The following KLHL32 variants were observed in gnomAD, a reference collection of about 807,000 sequenced individuals.
The protein encoded by KLHL32 is kelch-like protein 32.
A neutral mutation model predicts 64.8 loss-of-function variants in KLHL32; 35 were observed. The ratio of observed to expected loss-of-function variants is 0.54; its 90% CI spans 0.41 to 0.72. The LOEUF is 0.72. KLHL32 is among the 30% of genes least tolerant of loss of function. The pLI is 0.00. For missense variants in KLHL32, 589 were observed against 768.5 expected (o/e 0.77, Z 2.76); for synonymous variants, 259 against 281.0 (o/e 0.92, Z 0.78).
intron 3 of KLHL32, among the ~76,000 whole-genome samples, chr6:97,040,537 T>G (rs991678759): frequency 1.3e-5 from 2 of 152,022 alleles, no homozygotes; most frequent in African/African-American, 4.8e-5. Flanking sequence ...CTGCTTGGAG[T>G]ATCAGTTTCA....
rs1427953799 is a variant in KLHL32 at position 97,113,751 on chromosome 6, G to A, written c.628-32G>A. On this transcript the variant is annotated intron_variant, in intron 6 of 10. Transcript: ENST00000369261. ...CTTTCTCTTTCTTTCTTACCTTTGT[G>A]TCTCCTCTCATCTCACTTCCCTCTG... is the stretch of plus-strand genomic sequence containing the variant. 9 of 1,595,804 alleles carry A rather than the reference G, an allele frequency of 5.6e-6. No individual in the cohort carries two copies. In the East Asian group the frequency reaches 1.8e-4, roughly 32 times the overall value.
At chr6:96,909,149 A>G in the KLHL32 span, among the ~76,000 whole-genome samples, 3 of 152,098 alleles carry the variant, frequency 2.0e-5, no homozygotes, top group African/African-American at 7.2e-5. Flanking sequence ...TTATCAGACA[A>G]GAGGGATACC....
At chr6:97,064,851 G>C in intron 5 of KLHL32, 125 bp downstream of exon 5, 1 of 723,354 alleles carries the variant, frequency 1.4e-6, no homozygotes, top group Non-Finnish European at 2.3e-6. Flanking sequence ...TGTGGTAGTA[G>C]AGTTTCTCCA....
At chr6:96,957,946 A>G (rs1445469450) in intron 1 of KLHL32, among the ~76,000 whole-genome samples, 1 of 152,210 alleles carries the variant, frequency 6.6e-6, no homozygotes, top group Non-Finnish European at 1.5e-5. Flanking sequence ...CATTTTTAAA[A>G]CAGAATACAT....
chr6:97,102,318 G>A (rs983639214), intron 6 of KLHL32, among the ~76,000 whole-genome samples: 1 of 152,182 alleles, frequency 6.6e-6, no homozygotes, highest in Non-Finnish European at 1.5e-5. Flanking sequence ...CAGTAGCTAG[G>A]AAACAATGGG....
In KLHL32 at chr6:96,945,594, GA is replaced by G. The variant is rs560125408; in HGVS notation, c.-66+20576del. Among the ~76,000 whole-genome samples the G allele has an allele frequency of 7.1e-4, 108 of 152,192 alleles. 1 individual carries two copies. The highest frequency in any genetic ancestry group is 2.5e-3 in the African/African-American group (103 of 41,524). On this transcript the variant is annotated intron_variant, in intron 1 of 10. Transcript: ENST00000369261. ...GAGAGGGGTGCTTTAAAAAGGGTAG[GA>G]AAAAAAATTTTAAGCATTGTTTTAC... is the stretch of plus-strand genomic sequence containing the variant.
intron 1 of KLHL32, among the ~76,000 whole-genome samples, chr6:96,928,805 G>A (rs780833484): frequency 5.9e-5 from 9 of 152,036 alleles, no homozygotes; most frequent in East Asian, 3.8e-4. Flanking sequence ...AGATGTAATC[G>A]TTTTTTTCTA....
At chr6:96,983,318 C>T (rs1292723090) in intron 3 of KLHL32, among the ~76,000 whole-genome samples, 1 of 152,076 alleles carries the variant, frequency 6.6e-6, no homozygotes, top group Non-Finnish European at 1.5e-5. Flanking sequence ...TGATGTTCAT[C>T]AAGGATATTG....
intron 1 of KLHL32, among the ~76,000 whole-genome samples, chr6:96,965,873 AAG>A (rs1774398601): frequency 6.6e-6 from 1 of 152,232 alleles, no homozygotes; most frequent in Non-Finnish European, 1.5e-5. Context: ...TAATTAAAAA[AAG>A]AAAATAAGAA....
chr6:97,032,779 G>A (rs946130061), intron 3 of KLHL32, among the ~76,000 whole-genome samples: 3 of 152,086 alleles, frequency 2.0e-5, no homozygotes, highest in African/African-American at 7.2e-5. Flanking sequence ...TTTCTTTCAG[G>A]TTCTTTCAAG....
intron 5 of KLHL32, 84 bp from the exon 6 acceptor site, chr6:97,085,042 G>T: frequency 8.6e-7 from 1 of 1,157,790 alleles, no homozygotes. Context: ...GAAAACCTTA[G>T]TGAGTCAATC....
chr6:97,084,540 A>G (rs1793097011), intron 5 of KLHL32, among the ~76,000 whole-genome samples: 1 of 152,252 alleles, frequency 6.6e-6, no homozygotes, highest in Non-Finnish European at 1.5e-5. Flanking sequence ...GATTCAATAT[A>G]GAATTATTCA....
chr6:96,938,509 C>T (rs72924765), intron 1 of KLHL32, among the ~76,000 whole-genome samples: 10,264 of 152,218 alleles, frequency 0.067, 428 homozygotes, highest in Middle Eastern at 0.15. Flanking sequence ...CTTCTGACTG[C>T]TCTGGTCCTC....
chr6:96,909,270 A>T, the KLHL32 span, among the ~76,000 whole-genome samples: 1 of 152,202 alleles, frequency 6.6e-6, no homozygotes, highest in Non-Finnish European at 1.5e-5. Context: ...GAAAAAAGAT[A>T]GAAGATAGAA....
At chr6:97,070,640 C>T (rs1790564388) in intron 5 of KLHL32, among the ~76,000 whole-genome samples, 1 of 152,122 alleles carries the variant, frequency 6.6e-6, no homozygotes, top group Admixed American at 6.5e-5. Flanking sequence ...GAGAAAGATT[C>T]TCCTGAAAGA....
Position 97,099,199 on chromosome 6 carries a change from T to C in KLHL32, c.627+13858T>C, listed in dbSNP as rs560191487. ...TACACCTGCATGACATGACTGCCAC[T>C]GTCCTGCTCTCAAGCAGACTCTGTC... On this transcript the variant is annotated intron_variant, in intron 6 of 10. Transcript: ENST00000369261. Among the ~76,000 whole-genome samples, 8 of 152,346 alleles carry C rather than the reference T, an allele frequency of 5.3e-5. 1 individual carries two copies. Among genetic ancestry groups the C allele is most frequent in the Admixed American group, 2.0e-4 (3 of 15,306 alleles).
chr6:97,028,858 A>G (rs1783113187), intron 3 of KLHL32, among the ~76,000 whole-genome samples: 1 of 152,270 alleles, frequency 6.6e-6, no homozygotes, highest in South Asian at 2.1e-4. Flanking sequence ...AGATAAAACA[A>G]TGGACTTCTT....
chr6:96,965,777 T>C (rs1324254438), intron 1 of KLHL32, among the ~76,000 whole-genome samples: 1 of 152,194 alleles, frequency 6.6e-6, no homozygotes, highest in Non-Finnish European at 1.5e-5. Flanking sequence ...TCAGTCATAA[T>C]GGAGCAATTA....
At chr6:97,005,378 T>A (rs1779541818) in intron 3 of KLHL32, among the ~76,000 whole-genome samples, 1 of 152,098 alleles carries the variant, frequency 6.6e-6, no homozygotes, top group South Asian at 2.1e-4. Context: ...CTTTTTTTCT[T>A]TATTAATCTA....
Sources: gnomAD v4.1 joint callset for allele counts (sites outside exome capture counted in the v4.1 genomes callset) on GRCh38, gnomAD v4.1.1 for gene constraint, MANE v1.5 for transcripts, NCBI Gene and HGNC (gene_info 2026-07-23, HGNC 2026-07-21) for gene names.